The following VPS13B variants were observed in gnomAD, a reference collection of about 807,000 sequenced individuals.
VPS13B encodes vacuolar protein sorting 13 homolog B, also known as intermembrane lipid transfer protein VPS13B.
In VPS13B, 285 loss-of-function variants were observed where a neutral mutation model predicts 426.4. That is an observed-to-expected ratio of 0.67 (90% CI 0.61 to 0.74). The LOEUF (loss-of-function observed/expected upper bound fraction) is 0.74, where lower values mean the gene tolerates loss of function less well. Ranked by LOEUF, VPS13B falls within the 30% of genes least tolerant of loss-of-function variation. The pLI is 0.00. For synonymous variants in VPS13B, 1,676 were observed against 1,676.4 expected (o/e 1.00, Z 0.01); for missense variants, 4,537 against 4,782.6 (o/e 0.95, Z 1.51).
At chr8:99,609,861 G>A (rs1337634770) in intron 33 of VPS13B, among the ~76,000 whole-genome samples, 1 of 152,184 alleles carries the variant, frequency 6.6e-6, no homozygotes, top group East Asian at 1.9e-4. Flanking sequence ...TCATGCTAAG[G>A]CACTCAGTAT....
In VPS13B at chr8:99,778,744, A is replaced by G. The variant is rs772347065; in HGVS notation, c.7492A>G (p.Met2498Val). The G allele has an allele frequency of 5.6e-6, 9 of 1,613,994 alleles. No individual in the cohort carries two copies. The South Asian group carries it at 6.6e-5, about 12-fold the overall frequency. Residue 2498 changes from methionine to valine, a missense_variant, in exon 42 of 62, where the codon ATG becomes GTG. Physicochemically the swap from Met to Val is conservative, Grantham distance 21. This residue lies in a region of VPS13B where 4,311 missense variants were observed against 4,474.3 expected (regional missense o/e 0.96). Coordinates refer to ENST00000357162, the MANE Select transcript of VPS13B (RefSeq NM_152564.5). ...AAATATGCCATCTGAACTAGAATAC[A>G]TGATTGTTTCCTTCAGAGAACCACA... ...DRNMPSELEY[M>V]IVSFREPHMY...
Position 99,013,290 on chromosome 8 carries a change from C to T in VPS13B, c.-87C>T, listed in dbSNP as rs1265870014. ...TGGCGCGGTACAGGAGCAGCACTGC[C>T]GGCGGGGGCGGGTGCCAGGGACTTG... On this transcript the variant is annotated 5_prime_UTR_variant, in exon 1 of 62. Coordinates refer to ENST00000357162, the MANE Select transcript of VPS13B (RefSeq NM_152564.5). 8.2e-6 allele frequency: 2 copies of T among 242,506 alleles called. No homozygotes were observed. Among genetic ancestry groups the T allele is most frequent in the Non-Finnish European group, 1.6e-5 (2 of 121,592 alleles). 15.0% of individuals were successfully genotyped at this position (242,506 alleles called of 1,614,324 possible).
chr8:99,326,752 A>G (rs1810301495), intron 19 of VPS13B, among the ~76,000 whole-genome samples: 1 of 151,988 alleles, frequency 6.6e-6, no homozygotes, highest in African/African-American at 2.4e-5. Flanking sequence ...CAAATATATC[A>G]TTTATCACAA....
chr8:99,436,040 A>C (rs1012963416), intron 22 of VPS13B, among the ~76,000 whole-genome samples: 4 of 152,168 alleles, frequency 2.6e-5, no homozygotes, highest in African/African-American at 9.7e-5. Context: ...ACCGTTTTAA[A>C]AGTTGTTAGT....
At chr8:99,744,765 A>G (rs1809981603) in intron 39 of VPS13B, among the ~76,000 whole-genome samples, 1 of 151,888 alleles carries the variant, frequency 6.6e-6, no homozygotes, top group African/African-American at 2.4e-5. Flanking sequence ...GTGGGAATTG[A>G]ACAATGAGAA....
chr8:99,223,296 A>G (rs1815832030), intron 17 of VPS13B, among the ~76,000 whole-genome samples: 1 of 152,144 alleles, frequency 6.6e-6, no homozygotes, highest in African/African-American at 2.4e-5. Flanking sequence ...TAAATTTATT[A>G]TAATCTAAAT....
intron 17 of VPS13B, among the ~76,000 whole-genome samples, chr8:99,232,250 T>C (rs1282226474): frequency 6.6e-6 from 1 of 152,042 alleles, no homozygotes; most frequent in Non-Finnish European, 1.5e-5. Flanking sequence ...TATAGCAGTA[T>C]GCGAAAAACC....
chr8:99,259,843 T>G (rs1174390691), intron 17 of VPS13B, among the ~76,000 whole-genome samples: 1 of 152,080 alleles, frequency 6.6e-6, no homozygotes, highest in East Asian at 1.9e-4. Flanking sequence ...TGTAAACTCA[T>G]AATCTAAAAT....
chr8:99,568,489 C>G (rs992459308), intron 31 of VPS13B, among the ~76,000 whole-genome samples: 2 of 151,636 alleles, frequency 1.3e-5, no homozygotes, highest in South Asian at 4.2e-4. Flanking sequence ...TGGGGTTTTA[C>G]CATGTTGGCC....
chr8:99,509,218 G>A lies in VPS13B; in HGVS notation c.4225-1886G>A, dbSNP rs1373055247. On this transcript the variant is annotated intron_variant, in intron 28 of 61. Coordinates refer to ENST00000357162, the MANE Select transcript of VPS13B (RefSeq NM_152564.5). Reference sequence around the variant, plus strand: ...GTTATTGCTCATTGTCCAGCAACATGCTAATAAAACTGGTAGCACTTTTCT... The same window carrying A: ...GTTATTGCTCATTGTCCAGCAACATACTAATAAAACTGGTAGCACTTTTCT... Among the ~76,000 whole-genome samples, 4 of 152,198 alleles carry A rather than the reference G, an allele frequency of 2.6e-5. No homozygotes were observed. In the South Asian group the frequency reaches 6.2e-4, roughly 24 times the overall value.
intron 19 of VPS13B, among the ~76,000 whole-genome samples, chr8:99,350,935 G>A (rs1315943494): frequency 1.3e-5 from 2 of 151,800 alleles, no homozygotes; most frequent in African/African-American, 4.8e-5. Context: ...ATTAATTTTA[G>A]TTATTTAGTA....
intron 39 of VPS13B, among the ~76,000 whole-genome samples, chr8:99,765,378 GTATCTTTT>G (rs1811164501): frequency 6.6e-6 from 1 of 152,202 alleles, no homozygotes; most frequent in African/African-American, 2.4e-5. Flanking sequence ...GTGAAGTTGA[GTATCTTTT>G]TATCTTTTTG....
rs386834074 is a variant in VPS13B at position 99,156,580 on chromosome 8, TC to T, written c.2047del (p.Gln683SerfsTer62). ...NSSNFMNTTN[F>X]QSLRPLPSIR... ...AGTAACTTCATGAATACTACAAACT[TC>T]CAGTCTCTTCGGCCTTTGCCATCCA... is the stretch of plus-strand genomic sequence containing the variant. On this transcript the variant is annotated frameshift_variant, in exon 15 of 62. Transcript: ENST00000357162. LOFTEE classifies it high-confidence loss of function. The T allele has an allele frequency of 6.2e-7, 1 of 1,614,076 alleles. No individual in the cohort carries two copies. Among genetic ancestry groups the T allele is most frequent in the Non-Finnish European group, 8.5e-7 (1 of 1,179,914 alleles).
intron 35 of VPS13B, among the ~76,000 whole-genome samples, chr8:99,677,054 T>G (rs9297290): frequency 0.014 from 2,129 of 152,116 alleles, 51 homozygotes; most frequent in African/African-American, 0.047. Context: ...AGGCAGAAGG[T>G]GCAATGAGCC....
chr8:99,642,615 GA>G, intron 34 of VPS13B, 117 bp downstream of exon 34: 1 of 900,116 alleles, frequency 1.1e-6, no homozygotes, highest in South Asian at 1.6e-5. Context: ...TTTCTCTACA[GA>G]ATATGGAAAG....
intron 3 of VPS13B, among the ~76,000 whole-genome samples, chr8:99,055,960 C>G (rs72668500): frequency 3.4e-5 from 5 of 145,028 alleles, no homozygotes; most frequent in Non-Finnish European, 7.5e-5. Context: ...AGGCTGATCT[C>G]GAACTTCTGG....
intron 25 of VPS13B, among the ~76,000 whole-genome samples, chr8:99,487,494 C>G (rs1322037292): frequency 1.3e-5 from 2 of 152,064 alleles, no homozygotes; most frequent in Non-Finnish European, 2.9e-5. Flanking sequence ...TTAAAATGTA[C>G]AATTTAGTGG....
intron 34 of VPS13B, among the ~76,000 whole-genome samples, chr8:99,651,143 T>A (rs1220008300): frequency 3.3e-5 from 5 of 152,110 alleles, no homozygotes; most frequent in Non-Finnish European, 7.4e-5. Flanking sequence ...AACATATACA[T>A]TTAAAAACGT....
At chr8:99,755,444 AAAC>A (rs1417960888) in intron 39 of VPS13B, among the ~76,000 whole-genome samples, 1 of 152,178 alleles carries the variant, frequency 6.6e-6, no homozygotes, top group Admixed American at 6.5e-5. Flanking sequence ...AAATATTACT[AAAC>A]AACAACTACA....
Sources: gnomAD v4.1 joint callset for allele counts (sites outside exome capture counted in the v4.1 genomes callset) on GRCh38, gnomAD v4.1.1 for gene constraint, gnomAD v4.1.1 regional missense constraint, MANE v1.5 for transcripts, NCBI Gene and HGNC (gene_info 2026-07-23, HGNC 2026-07-21) for gene names.